PRKDC: variants seen among roughly 807,000 people sequenced by gnomAD.
The protein encoded by PRKDC is protein kinase, DNA-activated, catalytic subunit.
In PRKDC, 82 loss-of-function variants were observed where a neutral mutation model predicts 486.9. That is an observed-to-expected ratio of 0.17 (90% confidence interval 0.14 to 0.20). The LOEUF (loss-of-function observed/expected upper bound fraction) is 0.20, where lower values mean the gene tolerates loss of function less well. Ranked by LOEUF, PRKDC falls within the 10% of genes least tolerant of loss-of-function variation. The pLI, the probability that PRKDC is intolerant of heterozygous loss-of-function variation, is 1.00. For missense variants in PRKDC, 4,504 were observed against 5,038.2 expected (o/e 0.89, Z 3.21); for synonymous variants, 1,895 against 1,837.0 (o/e 1.03, Z -0.81).
chr8:47,810,744 A>C (rs1473503968), intron 68 of PRKDC, among the ~76,000 whole-genome samples: 5 of 152,248 alleles, frequency 3.3e-5, no homozygotes, highest in Non-Finnish European at 7.3e-5. Context: ...TTTTTTAATA[A>C]ACCAAATGGA....
intron 25 of PRKDC, among the ~76,000 whole-genome samples, chr8:47,909,264 T>G (rs1231124625): frequency 6.6e-6 from 1 of 152,214 alleles, no homozygotes; most frequent in Non-Finnish European, 1.5e-5. Flanking sequence ...CATGGACATT[T>G]ATCAGTTCCC....
At chr8:47,831,153 A>C (rs2154499428) in intron 60 of PRKDC, among the ~76,000 whole-genome samples, 1 of 152,180 alleles carries the variant, frequency 6.6e-6, no homozygotes, top group Non-Finnish European at 1.5e-5. Context: ...CGAGGGGGCA[A>C]AACAGTGCCC....
intron 68 of PRKDC, among the ~76,000 whole-genome samples, chr8:47,810,871 T>C (rs2087310747): frequency 6.6e-6 from 1 of 151,890 alleles, no homozygotes; most frequent in Non-Finnish European, 1.5e-5. Flanking sequence ...TCAATAGAAA[T>C]GATCTAATCT....
chr8:47,902,923 AAAT>A, intron 26 of PRKDC, 128 bp from the exon 27 acceptor site: 1 of 597,368 alleles, frequency 1.7e-6, no homozygotes, highest in Non-Finnish European at 2.6e-6. Context: ...GTCAAGAAAA[AAAT>A]AAACATTAGT....
At chr8:47,861,020 G>T in intron 44 of PRKDC, 49 bp from the exon 45 acceptor site, 1 of 1,264,534 alleles carries the variant, frequency 7.9e-7, no homozygotes, top group Non-Finnish European at 1.1e-6. Context: ...TAATAATAGT[G>T]ATACTTTTTC....
At chr8:47,953,293 C>T (rs963565290) in intron 7 of PRKDC, among the ~76,000 whole-genome samples, 16 of 152,138 alleles carry the variant, frequency 1.1e-4, no homozygotes, top group Admixed American at 1.0e-3. Context: ...AGCGACAGAG[C>T]AAGATTCTGT....
chr8:47,957,406 G>A lies in PRKDC; in HGVS notation c.180C>T (p.Ser60=). 6.3e-7 allele frequency: 1 copy of A among 1,590,002 alleles called. No homozygotes were observed. The highest frequency in any genetic ancestry group is 8.6e-7 in the Non-Finnish European group (1 of 1,167,266). ...CAAATACAAGCAAACCGAAATCTCT[G>A]GAAAAAACTAAAGATGTCTGTAATG... The part of the protein sequence containing the change: ...VLALQTSLVF[S]RDFGLLVFVR... Residue 60 remains serine, a synonymous_variant, in exon 2 of 86, where the codon TCC becomes TCT. Coordinates refer to ENST00000314191, the MANE Select transcript of PRKDC (RefSeq NM_006904.7).
At chr8:47,828,954 C>T (rs889453676) in intron 61 of PRKDC, among the ~76,000 whole-genome samples, 3 of 152,218 alleles carry the variant, frequency 2.0e-5, no homozygotes, top group African/African-American at 4.8e-5. Flanking sequence ...CCCTAACCCT[C>T]GCACACTTCA....
At chr8:47,860,778 GTACT>G (rs2088659500) in intron 45 of PRKDC, 117 bp downstream of exon 45, 3 of 679,730 alleles carry the variant, frequency 4.4e-6, no homozygotes, top group Non-Finnish European at 4.9e-6. Context: ...ATGTTTTAGG[GTACT>G]TAAAGTATTT....
intron 73 of PRKDC, among the ~76,000 whole-genome samples, chr8:47,797,730 G>T (rs1421137862): frequency 2.0e-5 from 3 of 152,186 alleles, no homozygotes; most frequent in Admixed American, 2.0e-4. Flanking sequence ...GGGGCCAAGG[G>T]GCAGGTCACA....
chr8:47,826,845 T>A lies in PRKDC; in HGVS notation c.8594A>T (p.His2865Leu), dbSNP rs537227136. Residue 2865 changes from histidine (H) to leucine (L), a missense_variant, in exon 63 of 86, where the codon CAC (histidine) becomes CTC (leucine). By Grantham distance (99) the His-to-Leu change is moderately conservative (BLOSUM62 -3). This residue lies in a region of PRKDC where 1,592 missense variants were observed against 1,724.6 expected (regional missense o/e 0.92). Transcript: ENST00000314191. The part of the protein sequence containing the change: ...VSCIQDISCQ[H>L]AALLSLDPAA... The stretch of plus-strand genomic sequence containing the variant: ...TGGGTCGAGGCTCAGCAGGGCTGCG[T>A]GCTGACAGCTAATGTCCTGTGAAAC... 6.3e-7 allele frequency: 1 copy of A among 1,586,912 alleles called. No homozygotes were observed. Among genetic ancestry groups the A allele is most frequent in the African/African-American group, 1.3e-5 (1 of 74,612 alleles).
chr8:47,858,446 T>G, intron 48 of PRKDC, 70 bp downstream of exon 48: 1 of 1,307,078 alleles, frequency 7.7e-7, no homozygotes, highest in Non-Finnish European at 1.0e-6. Context: ...TGCAATTGAT[T>G]CATTCATAGA....
intron 57 of PRKDC, among the ~76,000 whole-genome samples, chr8:47,836,930 T>A (rs572761598): frequency 6.6e-6 from 1 of 152,188 alleles, no homozygotes; most frequent in African/African-American, 2.4e-5. Flanking sequence ...TCCCACTGTT[T>A]AGGCTGCTGC....
chr8:47,878,498 C>T (rs1377151697), intron 39 of PRKDC, among the ~76,000 whole-genome samples: 4 of 152,168 alleles, frequency 2.6e-5, no homozygotes, highest in Non-Finnish European at 4.4e-5. Context: ...CCCCCTCCTT[C>T]ACCATGCCAG....
At chr8:47,892,783 A>G (rs1363485876) in intron 31 of PRKDC, among the ~76,000 whole-genome samples, 1 of 152,234 alleles carries the variant, frequency 6.6e-6, no homozygotes, top group African/African-American at 2.4e-5. Context: ...AAAATTTCCA[A>G]TAAAGCAGCT....
chr8:47,863,893 G>T (rs1563773675), intron 41 of PRKDC, among the ~76,000 whole-genome samples: 5 of 152,168 alleles, frequency 3.3e-5, no homozygotes, highest in Admixed American at 2.6e-4. Context: ...CAGCTATTTT[G>T]AAGTCTGCAT....
At chr8:47,878,123 G>GA (rs1328647466) in intron 39 of PRKDC, among the ~76,000 whole-genome samples, 12 of 133,376 alleles carry the variant, frequency 9.0e-5, no homozygotes, top group African/African-American at 3.4e-4. Flanking sequence ...TTTTTTTTTG[G>GA]AGACACAGTC....
intron 35 of PRKDC, among the ~76,000 whole-genome samples, chr8:47,887,019 C>T (rs925169802): frequency 2.0e-5 from 3 of 152,058 alleles, no homozygotes; most frequent in Admixed American, 6.5e-5. Context: ...TTACATTAAT[C>T]GGACAAAGGG....
chr8:47,929,778 A>G (rs1195564271), intron 18 of PRKDC, 75 bp downstream of exon 18: 6 of 1,396,410 alleles, frequency 4.3e-6, no homozygotes, highest in Non-Finnish European at 5.7e-6. Context: ...CCACAATCAC[A>G]TATTTTATGA....
Sources: gnomAD v4.1 joint callset for allele counts (sites outside exome capture counted in the v4.1 genomes callset) on GRCh38, gnomAD v4.1.1 for gene constraint, gnomAD v4.1.1 regional missense constraint, MANE v1.5 for transcripts, NCBI Gene and HGNC (gene_info 2026-07-23, HGNC 2026-07-21) for gene names.